The following ANKRD11 variants were observed in gnomAD, a reference collection of about 807,000 sequenced individuals.
The protein encoded by ANKRD11 is ankyrin repeat domain 11, also known as ankyrin repeat domain-containing protein 11.
A neutral mutation model predicts 195.7 loss-of-function variants in ANKRD11; 17 were observed. The ratio of observed to expected loss-of-function variants is 0.09; its 90% CI spans 0.06 to 0.13. The LOEUF is 0.13. ANKRD11 is among the 10% of genes least tolerant of loss of function. ANKRD11 has a pLI of 1.00. For synonymous variants in ANKRD11, 1,953 were observed against 1,528.1 expected (o/e 1.28, Z -6.49); for missense variants, 3,735 against 3,566.1 (o/e 1.05, Z -1.21).
At chr16:89,402,392 C>T (rs1286958223) in intron 2 of ANKRD11, among the ~76,000 whole-genome samples, 2 of 152,034 alleles carry the variant, frequency 1.3e-5, no homozygotes, top group East Asian at 1.9e-4. Context: ...TCGGTAGGCA[C>T]ATCAATTTAA....
chr16:89,463,380 T>C (rs908727902), intron 1 of ANKRD11, among the ~76,000 whole-genome samples: 3 of 152,206 alleles, frequency 2.0e-5, no homozygotes, highest in Non-Finnish European at 2.9e-5. Context: ...CCCCCAACCC[T>C]GTGCTCTCTG....
chr16:89,351,750 C>T (rs1370710048), intron 2 of ANKRD11, among the ~76,000 whole-genome samples: 1 of 152,164 alleles, frequency 6.6e-6, no homozygotes, highest in Non-Finnish European at 1.5e-5. Context: ...GCAGGGGGAA[C>T]AAGGAGTGAC....
At chr16:89,366,931 C>T (rs953186089) in intron 2 of ANKRD11, among the ~76,000 whole-genome samples, 2 of 152,220 alleles carry the variant, frequency 1.3e-5, no homozygotes, top group East Asian at 1.9e-4. Context: ...GACCATCCTT[C>T]GCAATCTGGT....
chr16:89,392,178 A>C (rs2041228563), intron 2 of ANKRD11, among the ~76,000 whole-genome samples: 1 of 152,142 alleles, frequency 6.6e-6, no homozygotes, highest in African/African-American at 2.4e-5. Flanking sequence ...GTTATAAATG[A>C]CCCTGGTCTC....
At chr16:89,452,689 G>T (rs896319382) in intron 1 of ANKRD11, among the ~76,000 whole-genome samples, 2 of 141,570 alleles carry the variant, frequency 1.4e-5, no homozygotes, top group Non-Finnish European at 3.0e-5. Flanking sequence ...CAGGAGGCAG[G>T]AAAATCTCCA....
Position 89,462,769 on chromosome 16 carries a change from CA to C in ANKRD11, c.-145+27475del, listed in dbSNP as rs1228216466. On this transcript the variant is annotated intron_variant, in intron 1 of 12. Coordinates refer to ENST00000301030, the MANE Select transcript of ANKRD11 (RefSeq NM_013275.6). ...ACCTCTGCCCGGCCACCCCGTCTGA[CA>C]AGTGAGAAGACCCTCTGCCCGGCAA... Among the ~76,000 whole-genome samples the C allele has an allele frequency of 2.7e-5, 4 of 148,508 alleles. No individual in the cohort carries two copies. The East Asian group carries it at 8.2e-4, about 31-fold the overall frequency.
intron 2 of ANKRD11, among the ~76,000 whole-genome samples, chr16:89,377,669 G>A (rs890183140): frequency 2.0e-5 from 3 of 152,040 alleles, no homozygotes; most frequent in Non-Finnish European, 1.5e-5. Flanking sequence ...CAGAGGGGAG[G>A]GGTTCCCACG....
At chr16:89,441,078 A>C (rs777984896) in intron 1 of ANKRD11, among the ~76,000 whole-genome samples, 11 of 152,078 alleles carry the variant, frequency 7.2e-5, no homozygotes, top group Non-Finnish European at 1.5e-4. Context: ...TCTACTAAAA[A>C]TACAAAAATT....
chr16:89,331,325 A>T (rs1019004968), intron 2 of ANKRD11, among the ~76,000 whole-genome samples: 2 of 152,352 alleles, frequency 1.3e-5, no homozygotes, highest in African/African-American at 4.8e-5. Context: ...TAGAAAATTT[A>T]AAATTAGATG....
At chr16:89,310,374 C>T (rs565005107) in intron 3 of ANKRD11, among the ~76,000 whole-genome samples, 1 of 152,242 alleles carries the variant, frequency 6.6e-6, no homozygotes, top group African/African-American at 2.4e-5. Flanking sequence ...ACTACACTGT[C>T]TGCATCCTCC....
At chr16:89,273,880 C>T (rs1400051628) in intron 11 of ANKRD11, among the ~76,000 whole-genome samples, 2 of 151,912 alleles carry the variant, frequency 1.3e-5, no homozygotes, top group East Asian at 1.9e-4. Flanking sequence ...GCTGGGGTGG[C>T]GTCAAGGGGG....
In ANKRD11 at chr16:89,279,844, C is replaced by T. The variant is rs570265865; in HGVS notation, c.6698G>A (p.Gly2233Glu). The part of the protein sequence containing the change: ...AETVPEERAR[G>E]DPDSSVEPAP... The stretch of plus-strand genomic sequence containing the variant: ...GGGCTCCACGCTGGAGTCCGGATCC[C>T]CACGGGCCCTCTCTTCCGGCACCGT... The change falls in exon 9 of 13, where the codon GGG (glycine) becomes GAG (glutamate). Residue 2233 changes from glycine to glutamate, a missense_variant. Coordinates refer to ENST00000301030, the MANE Select transcript of ANKRD11 (RefSeq NM_013275.6). The surrounding 1 kb of genome is among the most constrained non-coding windows in gnomAD (Gnocchi z 5.6). 259 of 1,549,858 alleles carry T rather than the reference C, an allele frequency of 1.7e-4. 1 individual carries two copies. Among genetic ancestry groups the T allele is most frequent in the Admixed American group, 6.0e-4 (31 of 51,392 alleles).
At chr16:89,367,145 C>G (rs79050134) in intron 2 of ANKRD11, among the ~76,000 whole-genome samples, 2 of 152,322 alleles carry the variant, frequency 1.3e-5, no homozygotes, top group East Asian at 3.9e-4. Context: ...CCGCACCCAT[C>G]GGTGAGGAAG....
Position 89,361,221 on chromosome 16 carries a change from G to C in ANKRD11, c.-59-44143C>G, listed in dbSNP as rs989102565. Among the ~76,000 whole-genome samples, 7 of 152,328 alleles carry C rather than the reference G, an allele frequency of 4.6e-5. No homozygotes were observed. In the East Asian group the frequency reaches 1.4e-3, roughly 29 times the overall value. ...GCGCACCCCTTAGGAAACCCCAGCA[G>C]CACATCCCCCTTCTTCCTCCCGCAG... On this transcript the variant is annotated intron_variant, in intron 2 of 12. Transcript: ENST00000301030.
Position 89,441,493 on chromosome 16 carries a change from C to T in ANKRD11, c.-144-23125G>A, listed in dbSNP as rs546195615. Among the ~76,000 whole-genome samples, 188 of 152,010 alleles carry T rather than the reference C, an allele frequency of 1.2e-3. 1 individual carries two copies. Among genetic ancestry groups the T allele is most frequent in the South Asian group, 7.3e-3 (35 of 4,806 alleles). On this transcript the variant is annotated intron_variant, in intron 1 of 12. Coordinates refer to ENST00000301030, the MANE Select transcript of ANKRD11 (RefSeq NM_013275.6). ...TAAAAAATACGCAAACCTGGCCGGG[C>T]GCGGTGGCTCACGCCTGTAATCCCA...
intron 1 of ANKRD11, among the ~76,000 whole-genome samples, chr16:89,453,925 T>C (rs1203734896): frequency 6.6e-6 from 1 of 152,178 alleles, no homozygotes; most frequent in Non-Finnish European, 1.5e-5. Context: ...AACTTCCTTG[T>C]GCCTCAACTG....
At position 89,281,267 on chromosome 16, in the gene ANKRD11, A is replaced by G; in HGVS notation, c.5275T>C (p.Ser1759Pro). The change falls in exon 9 of 13, where the codon TCC (serine) becomes CCC (proline). Residue 1759 changes from serine (S) to proline (P), a missense_variant. Ser to Pro is a moderately conservative substitution (Grantham distance 74). Transcript: ENST00000301030. The surrounding 1 kb of genome is among the most constrained non-coding windows in gnomAD (Gnocchi z 5.5). ...PTAPTSACSP[S>P]FFDRFSVASS... ...GCCACGGAGAACCTGTCGAAAAAGG[A>G]GGGGGAGCAGGCGCTGGTGGGAGCG... 6.2e-7 allele frequency: 1 copy of G among 1,614,026 alleles called. No individual in the cohort carries two copies. Among genetic ancestry groups the G allele is most frequent in the Non-Finnish European group, 8.5e-7 (1 of 1,179,984 alleles).
In ANKRD11 at chr16:89,281,550, C is replaced by T. The variant is rs145931801; in HGVS notation, c.4992G>A (p.Ala1664=). The part of the protein sequence containing the change: ...LKESTPIPPA[A]ENKLHPASGA... The stretch of plus-strand genomic sequence containing the variant: ...CTGATGCTGGGTGTAGCTTATTTTC[C>T]GCGGCAGGTGGAATAGGAGTCGACT... Residue 1664 remains alanine (A), a synonymous_variant, in exon 9 of 13, where the codon GCG becomes GCA. Transcript: ENST00000301030. The surrounding 1 kb of genome is among the most constrained non-coding windows in gnomAD (Gnocchi z 5.5). 2.3e-5 allele frequency: 37 copies of T among 1,614,052 alleles called. No individual in the cohort carries two copies. The highest frequency in any genetic ancestry group is 1.1e-4 in the East Asian group (5 of 44,886).
chr16:89,366,129 CAAAAAAAA>C (rs71387689), intron 2 of ANKRD11, among the ~76,000 whole-genome samples: 14 of 60,456 alleles, frequency 2.3e-4, no homozygotes, highest in South Asian at 5.2e-4. Context: ...GACTCCATCT[CAAAAAAAA>C]AAAAAAAAAA....
Sources: gnomAD v4.1 joint callset for allele counts (sites outside exome capture counted in the v4.1 genomes callset) on GRCh38, gnomAD v4.1.1 for gene constraint, Gnocchi (gnomAD v3.1) non-coding constraint, MANE v1.5 for transcripts, NCBI Gene and HGNC (gene_info 2026-07-23, HGNC 2026-07-21) for gene names.